Variants in STN1 observed in about 807,000 individuals in gnomAD.
STN1 encodes the protein CST complex subunit STN1.
STN1 carries 29 observed loss-of-function variants against 45.5 expected under a neutral mutation model. The observed-to-expected ratio is 0.64, with a 90% confidence interval of 0.47 to 0.87. STN1 has a LOEUF of 0.87. Ranked by LOEUF, STN1 falls within the 40% of genes least tolerant of loss-of-function variation. STN1 has a pLI of 0.00. For missense variants in STN1, 376 were observed against 441.4 expected, an observed-to-expected ratio of 0.85 and a Z score of 1.33; for synonymous variants, 148 against 159.0, an observed-to-expected ratio of 0.93 and a Z score of 0.52.
rs1482755051 is a variant in STN1, at chr10:103,882,243, G to A, written c.*441C>T. 1.3e-5 allele frequency among the ~76,000 whole-genome samples: 2 copies of A among 152,182 alleles called. No homozygotes were observed. On this transcript the variant is annotated 3_prime_UTR_variant, in exon 10 of 10. Coordinates refer to ENST00000224950, the MANE Select transcript of STN1 (RefSeq NM_024928.5). ...GCCAGCAAGAGAGGCCCACAGGAAG[G>A]TCTCTGATAACCTGAAGTTTTGAAA...
chr10:103,889,685 T>C (rs1843126254), intron 8 of STN1, among the ~76,000 whole-genome samples: 1 of 139,406 alleles, frequency 7.2e-6, no homozygotes, highest in African/African-American at 2.6e-5. Context: ...ACTTAGTCTT[T>C]TTCTTTTTCC....
At chr10:103,914,405 T>G in intron 2 of STN1, among the ~76,000 whole-genome samples, 1 of 131,368 alleles carries the variant, frequency 7.6e-6, no homozygotes, top group Non-Finnish European at 1.6e-5. Flanking sequence ...GACAGGGTCT[T>G]GCTCTGTTGT....
intron 7 of STN1, 118 bp from the exon 8 acceptor site, chr10:103,892,370 T>C: frequency 1.1e-6 from 1 of 874,538 alleles, no homozygotes; most frequent in Non-Finnish European, 1.7e-6. Flanking sequence ...AACTGCTGAG[T>C]CAAAAAGATC....
intron 2 of STN1, among the ~76,000 whole-genome samples, chr10:103,916,782 T>C (rs1347613501): frequency 7.6e-6 from 1 of 131,894 alleles, no homozygotes; most frequent in Non-Finnish European, 1.6e-5. Context: ...TAGTAGCCAC[T>C]ATTCTAATAC....
At chr10:103,887,614 T>A (rs1589496218) in intron 9 of STN1, among the ~76,000 whole-genome samples, 1 of 152,310 alleles carries the variant, frequency 6.6e-6, no homozygotes, top group African/African-American at 2.4e-5. Context: ...GCATTCTCAG[T>A]AGCTCAGGCT....
intron 6 of STN1, among the ~76,000 whole-genome samples, chr10:103,897,982 A>T (rs971533490): frequency 9.2e-5 from 14 of 151,970 alleles, no homozygotes; most frequent in South Asian, 2.1e-4. Flanking sequence ...ATTTTTATAT[A>T]AAAAAAATGG....
intron 6 of STN1, chr10:103,898,361 C>G (rs1286846500): frequency 6.5e-6 from 1 of 153,228 alleles, no homozygotes. Context: ...ATTCTCATTC[C>G]TCCTGGGTTT....
chr10:103,905,092 T>G lies in STN1; in HGVS notation c.294A>C (p.Ser98=), dbSNP rs1362170645. The G allele has an allele frequency of 6.2e-7, 1 of 1,612,980 alleles. No homozygotes were observed. Among genetic ancestry groups the G allele is most frequent in the East Asian group, 2.2e-5 (1 of 44,876 alleles). ...CWKKLNTESV[S]AAPSAARELS... ...AAGGAATGTGGCAAATAAAATTACC[T>G]GATACAGACTCAGTATTCAACTTTT... The change falls in exon 4 of 10, where the codon TCA becomes TCC. Residue 98 remains serine (S), a splice_region_variant and synonymous_variant. Transcript: ENST00000224950.
chr10:103,910,547 TC>T lies in STN1; in HGVS notation c.208del (p.Asp70MetfsTer15). The T allele has an allele frequency of 6.2e-7, 1 of 1,602,410 alleles. No homozygotes were observed. Among genetic ancestry groups the T allele is most frequent in the Non-Finnish European group, 8.6e-7 (1 of 1,169,468 alleles). On this transcript the variant is annotated frameshift_variant, in exon 3 of 10. Transcript: ENST00000224950. LOFTEE classifies it high-confidence loss of function. Reference sequence around the variant, plus strand: ...CTTACCTCCATAACTGTAGAAAGCATCTCTTTCTCTCACTCCAATGACAGTT... The same window carrying T: ...CTTACCTCCATAACTGTAGAAAGCATTCTTTCTCTCACTCCAATGACAGTT... ...LGTVIGVRER[D>X]AFYSYGVDDS...
intron 7 of STN1, 105 bp downstream of exon 7, chr10:103,897,443 G>T: frequency 9.9e-7 from 1 of 1,007,484 alleles, no homozygotes; most frequent in Non-Finnish European, 1.5e-6. Flanking sequence ...TCCGTTCCCT[G>T]GGTCAACTCT....
chr10:103,900,702 TCTCTCTCTCTCACACACACACACACACA>T (rs1843203510), intron 4 of STN1, among the ~76,000 whole-genome samples: 1 of 150,200 alleles, frequency 6.7e-6, no homozygotes, highest in Non-Finnish European at 1.5e-5. Context: ...TCTGTCTCTC[TCTCTCTCTCTCACACACACACACACACA>T]CTCTCTCTCT....
chr10:103,903,798 C>T lies in STN1; in HGVS notation c.295+1293G>A, dbSNP rs140355293. On this transcript the variant is annotated intron_variant, in intron 4 of 9. Transcript: ENST00000224950. The stretch of plus-strand genomic sequence containing the variant: ...GATTAAGAAAAACACCTCAGACATA[C>T]ATAAAAATCCAGATACCTGATTGTC... 3.9e-5 allele frequency among the ~76,000 whole-genome samples: 6 copies of T among 152,316 alleles called. No homozygotes were observed. In the East Asian group the frequency reaches 1.2e-3, roughly 29 times the overall value.
chr10:103,897,788 A>C (rs1843181184), intron 6 of STN1, 69 bp from the exon 7 acceptor site: 6 of 1,525,430 alleles, frequency 3.9e-6, no homozygotes, highest in Admixed American at 2.0e-5. Flanking sequence ...GTGTATAAAA[A>C]CCAGAAAATT....
At chr10:103,905,234 C>T in intron 3 of STN1, 78 bp from the exon 4 acceptor site, 1 of 1,260,706 alleles carries the variant, frequency 7.9e-7, no homozygotes, top group Non-Finnish European at 1.2e-6. Context: ...TGCATTCAGC[C>T]ATACTGAAAG....
chr10:103,892,269 A>C lies in STN1; in HGVS notation c.754-17T>G, dbSNP rs1430346292. Reference sequence around the variant, plus strand: ...AAAATTCACCTGTAAAGAGAGGAAAAAGAAAAAAGAAAAGAAATAAGTCTC... The same window carrying C: ...AAAATTCACCTGTAAAGAGAGGAAACAGAAAAAAGAAAAGAAATAAGTCTC... On this transcript the variant is annotated splice_polypyrimidine_tract_variant and intron_variant, in intron 7 of 9. Coordinates refer to ENST00000224950, the MANE Select transcript of STN1 (RefSeq NM_024928.5). 3 of 1,577,874 alleles carry C rather than the reference A, an allele frequency of 1.9e-6. No individual in the cohort carries two copies. The highest frequency in any genetic ancestry group is 2.6e-6 in the Non-Finnish European group (3 of 1,170,202).
intron 3 of STN1, 88 bp from the exon 4 acceptor site, chr10:103,905,244 G>C (rs2134370369): frequency 8.6e-7 from 1 of 1,167,992 alleles, no homozygotes; most frequent in East Asian, 2.3e-5. Context: ...CATACTGAAA[G>C]ATGACCTCTT....
chr10:103,880,119 T>G lies in STN1; in HGVS notation c.*2565A>C, dbSNP rs943793681. Among the ~76,000 whole-genome samples the G allele has an allele frequency of 2.0e-5, 3 of 152,196 alleles. No homozygotes were observed. The highest frequency in any genetic ancestry group is 2.0e-4 in the Admixed American group (3 of 15,292). The stretch of plus-strand genomic sequence containing the variant: ...GCCCAGCACCAAAGAAGAATGAGAA[T>G]GTGCTGACAGTGGAAGAGTGAGCAA... On this transcript the variant is annotated 3_prime_UTR_variant, in exon 10 of 10. Transcript: ENST00000224950.
intron 3 of STN1, among the ~76,000 whole-genome samples, chr10:103,906,369 C>G (rs968435362): frequency 6.6e-6 from 1 of 152,290 alleles, no homozygotes; most frequent in Admixed American, 6.5e-5. Context: ...ATATAAAGAG[C>G]TCATAGGCTG....
At chr10:103,905,729 G>A (rs535330386) in intron 3 of STN1, among the ~76,000 whole-genome samples, 5 of 152,286 alleles carry the variant, frequency 3.3e-5, no homozygotes, top group African/African-American at 1.2e-4. Context: ...GGGGCTGTAA[G>A]GAAAGCCAAG....
Sources: gnomAD v4.1 joint callset for allele counts (sites outside exome capture counted in the v4.1 genomes callset) on GRCh38, gnomAD v4.1.1 for gene constraint, MANE v1.5 for transcripts, NCBI Gene and HGNC (gene_info 2026-07-23, HGNC 2026-07-21) for gene names.